IPO7: variants seen among roughly 807,000 people sequenced by gnomAD.
The protein encoded by IPO7 is importin 7, also known as importin-7.
A neutral mutation model predicts 136.4 loss-of-function variants in IPO7; 13 were observed. The ratio of observed to expected loss-of-function variants is 0.10; its 90% CI spans 0.06 to 0.15. The LOEUF is 0.15. IPO7 is among the 10% of genes least tolerant of loss of function. The probability of loss-of-function intolerance (pLI) is 1.00; values close to 1 mark genes in which losing one functional copy is unlikely to be tolerated. For synonymous variants in IPO7, 403 were observed against 404.4 expected (o/e 1.00, Z 0.04); for missense variants, 857 against 1,240.6 (o/e 0.69, Z 4.65).
intron 2 of IPO7, 132 bp downstream of exon 2, chr11:9,403,503 TACAGCTAACA>T (rs1854830861): frequency 1.7e-5 from 11 of 628,712 alleles, no homozygotes; most frequent in Admixed American, 6.1e-5. Context: ...CTTCAGTGTT[TACAGCTAACA>T]TCAGGTACCT....
intron 2 of IPO7, chr11:9,403,664 C>G (rs1854832759): frequency 3.3e-6 from 1 of 299,000 alleles, no homozygotes; most frequent in Admixed American, 4.9e-5. Flanking sequence ...TTATAAGACT[C>G]AAACATGTTT....
intron 24 of IPO7, among the ~76,000 whole-genome samples, chr11:9,444,451 T>C (rs1471579216): frequency 6.6e-6 from 1 of 151,386 alleles, no homozygotes; most frequent in South Asian, 2.1e-4. Context: ...GCCACCTCCA[T>C]CTCCCGATTT....
intron 3 of IPO7, 64 bp downstream of exon 3, chr11:9,408,703 GGTTTTTTT>G: frequency 2.4e-6 from 1 of 411,318 alleles, no homozygotes; most frequent in Non-Finnish European, 3.5e-6. Context: ...TTTGTTTTTT[GGTTTTTTT>G]TTTTTTTTTT....
At chr11:9,403,716 T>C (rs1438622634) in intron 2 of IPO7, among the ~76,000 whole-genome samples, 7 of 152,218 alleles carry the variant, frequency 4.6e-5, no homozygotes, top group Admixed American at 4.6e-4. Flanking sequence ...CTTTTATCGT[T>C]TTAACAGTTT....
chr11:9,425,052 C>A, intron 11 of IPO7, 62 bp downstream of exon 11: 2 of 1,330,008 alleles, frequency 1.5e-6, no homozygotes, highest in African/African-American at 1.5e-5. Context: ...CAACTATACA[C>A]TTTTTAAATG....
At chr11:9,405,738 G>A (rs546860946) in intron 2 of IPO7, among the ~76,000 whole-genome samples, 32 of 152,172 alleles carry the variant, frequency 2.1e-4, no homozygotes, top group Non-Finnish European at 4.0e-4. Flanking sequence ...TTCTTTAAAA[G>A]CAAACAATTT....
chr11:9,435,680 T>C (rs1855359458), intron 19 of IPO7, among the ~76,000 whole-genome samples: 1 of 152,240 alleles, frequency 6.6e-6, no homozygotes, highest in Non-Finnish European at 1.5e-5. Flanking sequence ...ATACCTATAC[T>C]ATCTACATTT....
intron 1 of IPO7, among the ~76,000 whole-genome samples, chr11:9,396,537 C>A (rs1410179574): frequency 6.6e-6 from 1 of 152,190 alleles, no homozygotes; most frequent in African/African-American, 2.4e-5. Flanking sequence ...ATTTCCATCA[C>A]CCCACAAAGA....
chr11:9,392,850 G>A (rs2133719720), intron 1 of IPO7, among the ~76,000 whole-genome samples: 1 of 151,306 alleles, frequency 6.6e-6, no homozygotes, highest in African/African-American at 2.4e-5. Context: ...TCAGGAGGCT[G>A]AGGTATGAGA....
chr11:9,397,333 T>TAAAAAAAAAAA (rs1238499611), intron 1 of IPO7, among the ~76,000 whole-genome samples: 23 of 52,908 alleles, frequency 4.3e-4, no homozygotes, highest in African/African-American at 1.7e-3. Context: ...AAAAATAATT[T>TAAAAAAAAAAA]AAAAAAAAAT....
At chr11:9,437,098 C>T (rs1855387389) in intron 20 of IPO7, among the ~76,000 whole-genome samples, 1 of 150,122 alleles carries the variant, frequency 6.7e-6, no homozygotes, top group Non-Finnish European at 1.5e-5. Context: ...TTTGGCCAGG[C>T]TGGTCTCAAA....
intron 1 of IPO7, among the ~76,000 whole-genome samples, chr11:9,397,341 A>AAAAAAAAAAAAAAAATATAT: frequency 4.6e-4 from 5 of 10,754 alleles, no homozygotes; most frequent in Non-Finnish European, 5.5e-4. Context: ...TTTAAAAAAA[A>AAAAAAAAAAAAAAAATATAT]ATATATATAT....
intron 6 of IPO7, among the ~76,000 whole-genome samples, chr11:9,418,229 C>G (rs1408619468): frequency 6.6e-6 from 1 of 151,622 alleles, no homozygotes; most frequent in African/African-American, 2.4e-5. Context: ...GTCACCATGC[C>G]TGGCTAACTT....
chr11:9,423,903 CAA>C, intron 10 of IPO7, 27 bp downstream of exon 10: 2 of 1,314,232 alleles, frequency 1.5e-6, no homozygotes, highest in Non-Finnish European at 2.2e-6. Flanking sequence ...TTTTTAGAAA[CAA>C]AAAATGTCAG....
chr11:9,394,206 C>T (rs1854678049), intron 1 of IPO7, among the ~76,000 whole-genome samples: 1 of 152,090 alleles, frequency 6.6e-6, no homozygotes, highest in African/African-American at 2.4e-5. Context: ...TATTAATTTT[C>T]CACGCAGTCA....
rs982559392 is a variant in IPO7, at chr11:9,446,611, C to T, written c.*1417C>T. ...GGGTTATTTTTTATATACATGTATACACAAAATATTTCAAATTGAAAGCAA... is the reference window on the plus strand; with the variant it reads ...GGGTTATTTTTTATATACATGTATATACAAAATATTTCAAATTGAAAGCAA... On this transcript the variant is annotated 3_prime_UTR_variant, in exon 25 of 25. Transcript: ENST00000379719. 1 of 152,104 alleles carries T rather than the reference C, an allele frequency of 6.6e-6. No individual in the cohort carries two copies. Among genetic ancestry groups the T allele is most frequent in the African/African-American group, 2.4e-5 (1 of 41,406 alleles). The allele number at this position is 152,104 out of a possible 1,614,324, so 9.4% of individuals were successfully genotyped here.
In IPO7 at chr11:9,417,138, A is replaced by G; in HGVS notation, c.716A>G (p.Asp239Gly). 1 of 1,424,260 alleles carries G rather than the reference A, an allele frequency of 7.0e-7. No individual in the cohort carries two copies. Among genetic ancestry groups the G allele is most frequent in the Non-Finnish European group, 9.8e-7 (1 of 1,019,444 alleles). The allele number at this position is 1,424,260 out of a possible 1,614,324, so 88.2% of individuals were successfully genotyped here. The change falls in exon 6 of 25, where the codon GAT (aspartate) becomes GGT (glycine). Residue 239 changes from aspartate to glycine, a missense_variant. By Grantham distance (94) the Asp-to-Gly change is moderately conservative. Transcript: ENST00000379719. The part of the protein sequence containing the change: ...IEILKTVVNR[D>G]VPNETLQVEE... ...ATTTTAAAGACTGTTGTGAACAGGGATGTACCTAATGTAAGTTTCTGTATG... is the reference window on the plus strand; with the variant it reads ...ATTTTAAAGACTGTTGTGAACAGGGGTGTACCTAATGTAAGTTTCTGTATG...
rs552828747 is a variant in IPO7, at chr11:9,388,813, C to T, written c.84+3966C>T. On this transcript the variant is annotated intron_variant, in intron 1 of 24. Transcript: ENST00000379719. ...CTCTTGGCCTCAAGCAGCGTCCTCC[C>T]ATCTGAGCCTCCCAGGTGGCTGGGA... Among the ~76,000 whole-genome samples, 6 of 152,234 alleles carry T rather than the reference C, an allele frequency of 3.9e-5. No individual in the cohort carries two copies. The South Asian group carries it at 1.0e-3, about 26-fold the overall frequency.
chr11:9,420,338 C>T (rs908810716), intron 6 of IPO7, 73 bp from the exon 7 acceptor site: 5 of 957,932 alleles, frequency 5.2e-6, no homozygotes, highest in Middle Eastern at 3.3e-4. Context: ...ACATTTTTGT[C>T]AATCTATTCT....
Sources: allele counts gnomAD v4.1 joint callset (sites outside exome capture counted in the v4.1 genomes callset), GRCh38; gene constraint gnomAD v4.1.1; transcripts MANE v1.5; gene names NCBI Gene and HGNC (gene_info 2026-07-23, HGNC 2026-07-21).